The following NOSTRIN variants were observed in gnomAD, a reference collection of about 807,000 sequenced individuals.
NOSTRIN encodes the protein nitric oxide synthase trafficking, also known as BM247 homolog.
In NOSTRIN, 63 loss-of-function variants were observed where a neutral mutation model predicts 59.0. The ratio of observed to expected loss-of-function variants is 1.07; its 90% CI spans 0.87 to 1.32. The LOEUF is 1.32. Ranked by LOEUF, NOSTRIN falls within the 40% of genes most tolerant of loss-of-function variation. The pLI is 0.00. For synonymous variants in NOSTRIN, 200 were observed against 165.4 expected (o/e 1.21, Z -1.61); for missense variants, 512 against 473.1 (o/e 1.08, Z -0.76).
rs575433316 is a variant in NOSTRIN, at chr2:168,841,559, C to A, written c.505-1433C>A. Among the ~76,000 whole-genome samples the A allele has an allele frequency of 7.8e-4, 119 of 152,292 alleles. 4 individuals carry two copies. In the South Asian group the frequency reaches 0.024, roughly 31 times the overall value. ...AACCATCTTATCAAGCTGTCCATAA[C>A]TTGCAGTGAACATTGGGCATGTATC... On this transcript the variant is annotated intron_variant, in intron 7 of 15. Coordinates refer to ENST00000317647, the MANE Select transcript of NOSTRIN (RefSeq NM_001039724.4).
intron 8 of NOSTRIN, among the ~76,000 whole-genome samples, chr2:168,850,596 A>ATTTTTT (rs546749506): frequency 7.2e-6 from 1 of 139,254 alleles, no homozygotes; most frequent in Non-Finnish European, 1.6e-5. Flanking sequence ...ATTCTTCCCA[A>ATTTTTT]TTTTTTTTTT....
intron 1 of NOSTRIN, among the ~76,000 whole-genome samples, chr2:168,810,731 C>CAGAT (rs1686084581): frequency 6.6e-6 from 1 of 152,178 alleles, no homozygotes; most frequent in Non-Finnish European, 1.5e-5. Flanking sequence ...TTGCACCTCC[C>CAGAT]AGATGGAAAC....
intron 15 of NOSTRIN, among the ~76,000 whole-genome samples, chr2:168,862,432 A>G (rs1689522204): frequency 6.6e-6 from 1 of 152,242 alleles, no homozygotes; most frequent in Non-Finnish European, 1.5e-5. Flanking sequence ...ATCACAGTGC[A>G]CACTAGGGTA....
chr2:168,824,093 A>G (rs1228163182), intron 2 of NOSTRIN, among the ~76,000 whole-genome samples: 1 of 152,266 alleles, frequency 6.6e-6, no homozygotes, highest in Non-Finnish European at 1.5e-5. Context: ...AAAACAAAAA[A>G]ACAAAAACAG....
chr2:168,821,217 G>C (rs1364040860), intron 2 of NOSTRIN, among the ~76,000 whole-genome samples: 2 of 152,198 alleles, frequency 1.3e-5, no homozygotes, highest in East Asian at 3.8e-4. Flanking sequence ...AAAGCCCTCT[G>C]GTTAGCTTTC....
chr2:168,845,425 C>G (rs1688354536), intron 8 of NOSTRIN, among the ~76,000 whole-genome samples: 2 of 152,224 alleles, frequency 1.3e-5, no homozygotes, highest in South Asian at 4.1e-4. Flanking sequence ...ATCCTCATCA[C>G]CCTTCTACCT....
At chr2:168,839,899 AAAT>A (rs1172118918) in intron 7 of NOSTRIN, among the ~76,000 whole-genome samples, 2 of 46,348 alleles carry the variant, frequency 4.3e-5, no homozygotes, top group African/African-American at 3.0e-4. Context: ...AAAAAAAAAA[AAAT>A]ATATATATAT....
At chr2:168,856,115 G>A (rs566257064) in intron 11 of NOSTRIN, 4 of 213,494 alleles carry the variant, frequency 1.9e-5, no homozygotes, top group Non-Finnish European at 2.9e-5. Flanking sequence ...GCTAGAATGG[G>A]TCGACTGAAA....
intron 2 of NOSTRIN, among the ~76,000 whole-genome samples, chr2:168,820,382 C>T (rs574682532): frequency 4.6e-5 from 7 of 152,182 alleles, no homozygotes; most frequent in South Asian, 2.1e-4. Context: ...ACGCCTGGCA[C>T]GTTGTAAGTG....
Position 168,788,225 on chromosome 2 carries a change from A to G in NOSTRIN, c.-473+177A>G, listed in dbSNP as rs115205482. Reference sequence around the variant, plus strand: ...ACTTGCACTCCAGCCAGAGTGACAGAGTAAGATCCTACCTCAAAAAAAAAA... The same window carrying G: ...ACTTGCACTCCAGCCAGAGTGACAGGGTAAGATCCTACCTCAAAAAAAAAA... On this transcript the variant is annotated intron_variant, in intron 2 of 20. Transcript: ENST00000458381. 8.8e-3 allele frequency among the ~76,000 whole-genome samples: 1,282 copies of G among 145,436 alleles called. 21 individuals are homozygous for G. Among genetic ancestry groups the G allele is most frequent in the African/African-American group, 0.03 (1,207 of 40,344 alleles).
intron 11 of NOSTRIN, 100 bp downstream of exon 11, chr2:168,855,560 G>A: frequency 2.6e-6 from 1 of 386,966 alleles, no homozygotes; most frequent in Non-Finnish European, 4.5e-6. Context: ...TTTGGCAGGG[G>A]TCTTCTCATT....
At position 168,856,340 on chromosome 2, in the gene NOSTRIN, G is replaced by A. The variant is rs557184327; in HGVS notation, c.965-350G>A. ...GCCTATAATCCTAACACTTTGGGAA[G>A]CCAAGGCGGGTGGATCACAAGGTCA... On this transcript the variant is annotated intron_variant, in intron 11 of 15. Transcript: ENST00000317647. The A allele has an allele frequency of 1.9e-4, 52 of 279,440 alleles. 2 individuals carry two copies. The South Asian group carries it at 2.0e-3, about 11-fold the overall frequency. 17.3% of individuals were successfully genotyped at this position (279,440 alleles called of 1,614,324 possible).
intron 1 of NOSTRIN, among the ~76,000 whole-genome samples, chr2:168,807,585 G>A (rs368674024): frequency 2.6e-5 from 4 of 152,150 alleles, no homozygotes; most frequent in Non-Finnish European, 5.9e-5. Context: ...TTATCTGATC[G>A]CTAAATTAAC....
At chr2:168,798,808 TCG>T (rs1491525602), upstream of NOSTRIN, among the ~76,000 whole-genome samples, 11 of 68,074 alleles carry the variant, frequency 1.6e-4, no homozygotes, top group Admixed American at 5.8e-4. Flanking sequence ...GATCGATCGA[TCG>T]ATCGATAGAT....
chr2:168,809,321 C>T (rs1336282502), intron 1 of NOSTRIN, among the ~76,000 whole-genome samples: 1 of 152,138 alleles, frequency 6.6e-6, no homozygotes, highest in African/African-American at 2.4e-5. Flanking sequence ...AGAGGGCAAA[C>T]AAGCCTTTAC....
At chr2:168,861,088 G>A (rs935739226) in intron 14 of NOSTRIN, among the ~76,000 whole-genome samples, 179 bp downstream of exon 14, 6 of 152,214 alleles carry the variant, frequency 3.9e-5, no homozygotes, top group Non-Finnish European at 8.8e-5. Context: ...AAAAAGTTAA[G>A]AAGAGTAGAG....
intron 10 of NOSTRIN, among the ~76,000 whole-genome samples, chr2:168,854,250 C>A (rs1440778147): frequency 6.6e-6 from 1 of 152,168 alleles, no homozygotes; most frequent in East Asian, 1.9e-4. Context: ...TTTATAGAGG[C>A]TATTCCCTTT....
At chr2:168,846,216 A>C (rs1441751360) in intron 8 of NOSTRIN, among the ~76,000 whole-genome samples, 1 of 152,224 alleles carries the variant, frequency 6.6e-6, no homozygotes, top group African/African-American at 2.4e-5. Context: ...AGATTCATGA[A>C]GACATATAAC....
At chr2:168,863,729 T>G (rs1289906508) in intron 15 of NOSTRIN, 3 of 867,118 alleles carry the variant, frequency 3.5e-6, no homozygotes, top group Non-Finnish European at 4.2e-6. Flanking sequence ...ATTGTCTTGA[T>G]CTTAAGAAAA....
Sources: gnomAD v4.1 joint callset for allele counts (sites outside exome capture counted in the v4.1 genomes callset) on GRCh38, gnomAD v4.1.1 for gene constraint, MANE v1.5 for transcripts, NCBI Gene and HGNC (gene_info 2026-07-23, HGNC 2026-07-21) for gene names.